Variants in SLC6A3 observed in about 807,000 individuals in gnomAD.
The protein encoded by SLC6A3 is solute carrier family 6 member 3, also known as sodium-dependent dopamine transporter.
SLC6A3 carries 19 observed loss-of-function variants against 70.4 expected under a neutral mutation model. That is an observed-to-expected ratio of 0.27 (90% CI 0.19 to 0.40). SLC6A3 has a LOEUF of 0.40. Ranked by LOEUF, SLC6A3 falls within the 10% of genes least tolerant of loss-of-function variation. The probability of loss-of-function intolerance (pLI) is 1.00; values close to 1 mark genes in which losing one functional copy is unlikely to be tolerated. For synonymous variants in SLC6A3, 368 were observed against 356.6 expected, an observed-to-expected ratio of 1.03 and a Z score of -0.36; for missense variants, 613 against 838.5, an observed-to-expected ratio of 0.73 and a Z score of 3.32.
At chr5:1,440,531 C>G (rs999191228) in intron 3 of SLC6A3, among the ~76,000 whole-genome samples, 1 of 152,068 alleles carries the variant, frequency 6.6e-6, no homozygotes, top group African/African-American at 2.4e-5. Flanking sequence ...GGGATGTGTC[C>G]CTCCCCCAAG....
intron 4 of SLC6A3, among the ~76,000 whole-genome samples, chr5:1,422,545 G>A (rs1357288778): frequency 7.0e-6 from 1 of 142,580 alleles, no homozygotes; most frequent in Non-Finnish European, 1.5e-5. Flanking sequence ...CACGCTGCTG[G>A]GTGCCCACCG....
At position 1,401,054 on chromosome 5, in the gene SLC6A3, C is replaced by T. The variant is rs1274763434; in HGVS notation, c.1768-68G>A. 3.8e-5 allele frequency: 47 copies of T among 1,226,500 alleles called. No homozygotes were observed. The highest frequency in any genetic ancestry group is 5.4e-5 in the Non-Finnish European group (46 of 848,752). 76.0% of individuals were successfully genotyped at this position (1,226,500 alleles called of 1,614,324 possible). A position where few individuals can be genotyped will look rare whatever the true frequency, so the allele number is the denominator to read the frequency against. Reference sequence around the variant, plus strand: ...CCACTGCCAGCACCCACCACTGACTCACACTGCCAGGACCCTCACCTACCA... The same window carrying T: ...CCACTGCCAGCACCCACCACTGACTTACACTGCCAGGACCCTCACCTACCA... On this transcript the variant is annotated intron_variant, in intron 13 of 14. Transcript: ENST00000270349. This position sits in a 1 kb window ranked among gnomAD's most constrained non-coding sequence, Gnocchi z 6.1.
chr5:1,412,466 G>A (rs1560911652), intron 8 of SLC6A3, among the ~76,000 whole-genome samples: 1 of 152,252 alleles, frequency 6.6e-6, no homozygotes, highest in Non-Finnish European at 1.5e-5. Context: ...CAAAGGCGGA[G>A]GAGGTGTTCC....
In SLC6A3 at chr5:1,439,859, C is replaced by T. The variant is rs1034749949; in HGVS notation, c.418+1500G>A. On this transcript the variant is annotated intron_variant, in intron 3 of 14. Coordinates refer to ENST00000270349, the MANE Select transcript of SLC6A3 (RefSeq NM_001044.5). ...CGTGCAGGGATTGGGGAGTCAGAAA[C>T]GTCTGGGATCAAATCCCACTCTGCT... Among the ~76,000 whole-genome samples, 29 of 152,224 alleles carry T rather than the reference C, an allele frequency of 1.9e-4. 1 individual carries two copies. The highest frequency in any genetic ancestry group is 2.6e-4 in the Admixed American group (4 of 15,288).
intron 7 of SLC6A3, among the ~76,000 whole-genome samples, chr5:1,415,314 G>A (rs1194827491): frequency 6.6e-6 from 1 of 152,120 alleles, no homozygotes; most frequent in African/African-American, 2.4e-5. Flanking sequence ...AGGGTCCTGG[G>A]GTCGGTCAGG....
rs1374789817 is a variant in SLC6A3 at position 1,422,088 on chromosome 5, C to T, written c.654-74G>A. The T allele has an allele frequency of 1.9e-5, 28 of 1,497,386 alleles. 1 individual carries two copies. Among genetic ancestry groups the T allele is most frequent in the South Asian group, 1.4e-4 (12 of 85,564 alleles). The allele number at this position is 1,497,386 out of a possible 1,614,324, so 92.8% of individuals were successfully genotyped here. On this transcript the variant is annotated intron_variant, in intron 4 of 14. Transcript: ENST00000270349. ...CTGGAACTGGACGGCTGAGCTTGTCCGGGGACCTGCCCTCCCCATCTCAGC... is the reference window on the plus strand; with the variant it reads ...CTGGAACTGGACGGCTGAGCTTGTCTGGGGACCTGCCCTCCCCATCTCAGC...
intron 12 of SLC6A3, 126 bp from the exon 13 acceptor site, chr5:1,403,215 G>T: frequency 9.1e-7 from 1 of 1,094,004 alleles, no homozygotes; most frequent in Non-Finnish European, 1.3e-6. Flanking sequence ...TGCAGACCCC[G>T]GCCAGGCCTG....
rs911976531 is a variant in SLC6A3, at chr5:1,442,433, T to A, written c.286+479A>T. Among the ~76,000 whole-genome samples, 5 of 152,140 alleles carry A rather than the reference T, an allele frequency of 3.3e-5. No homozygotes were observed. The highest frequency in any genetic ancestry group is 1.2e-4 in the African/African-American group (5 of 41,412). On this transcript the variant is annotated intron_variant, in intron 2 of 14. Coordinates refer to ENST00000270349, the MANE Select transcript of SLC6A3 (RefSeq NM_001044.5). The surrounding 1 kb of genome is among the most constrained non-coding windows in gnomAD (Gnocchi z 5.0). Reference sequence around the variant, plus strand: ...GACGTCCCCGGTGGCCCTGCCTCGATCTTCGCTTTCTGGCTCTGTGGCTGG... The same window carrying A: ...GACGTCCCCGGTGGCCCTGCCTCGAACTTCGCTTTCTGGCTCTGTGGCTGG...
At position 1,421,959 on chromosome 5, in the gene SLC6A3, G is replaced by A. The variant is rs376877303; in HGVS notation, c.709C>T (p.Arg237Trp). 3.1e-6 allele frequency: 5 copies of A among 1,613,006 alleles called. No individual in the cohort carries two copies. The highest frequency in any genetic ancestry group is 1.3e-5 in the African/African-American group (1 of 74,938). ...ACCAGGCAGGCTGTGAGCTGCCACC[G>A]CGGAGGCCCCAGGTCGTCGATGCCA... ...SHGIDDLGPPRWQLTACLVLV... is the reference protein window; with the variant it reads ...SHGIDDLGPPWWQLTACLVLV... Residue 237 changes from arginine to tryptophan, a missense_variant, in exon 5 of 15, where the codon CGG (arginine) becomes TGG (tryptophan). Physicochemically the swap from Arg to Trp is moderately radical, Grantham distance 101. Transcript: ENST00000270349. The surrounding 1 kb of genome is among the most constrained non-coding windows in gnomAD (Gnocchi z 7.2).
rs373591458 is a variant in SLC6A3, at chr5:1,432,424, C to T, written c.653+40G>A. 47 of 1,480,654 alleles carry T rather than the reference C, an allele frequency of 3.2e-5. No homozygotes were observed. In the African/African-American group the frequency reaches 3.7e-4, roughly 12 times the overall value. 91.7% of individuals were successfully genotyped at this position (1,480,654 alleles called of 1,614,324 possible). Reference sequence around the variant, plus strand: ...GGGGCTACCATGGGGGACCTGGCTGCGCCATCTCTCCCGTTCCCGAGGACC... The same window carrying T: ...GGGGCTACCATGGGGGACCTGGCTGTGCCATCTCTCCCGTTCCCGAGGACC... On this transcript the variant is annotated intron_variant, in intron 4 of 14. Transcript: ENST00000270349.
At chr5:1,434,366 T>C (rs903427298) in intron 3 of SLC6A3, among the ~76,000 whole-genome samples, 2 of 152,230 alleles carry the variant, frequency 1.3e-5, no homozygotes, top group East Asian at 1.9e-4. Context: ...GGGCCATCCA[T>C]GGCCATGCAA....
intron 14 of SLC6A3, among the ~76,000 whole-genome samples, chr5:1,399,716 G>A (rs975787494): frequency 6.6e-5 from 10 of 152,196 alleles, no homozygotes; most frequent in African/African-American, 2.4e-4. Context: ...AAGTCACTGG[G>A]AGGACAGAGG....
chr5:1,419,426 A>G (rs1756384587), intron 6 of SLC6A3, among the ~76,000 whole-genome samples: 1 of 152,198 alleles, frequency 6.6e-6, no homozygotes, highest in South Asian at 2.1e-4. Context: ...TTTGTTCTCC[A>G]GTGAGCATCT....
chr5:1,443,481 G>A (rs532860477), intron 1 of SLC6A3, among the ~76,000 whole-genome samples: 1 of 152,258 alleles, frequency 6.6e-6, no homozygotes, highest in East Asian at 1.9e-4. Flanking sequence ...CAGACACTCT[G>A]GTTTGCTCCT....
At chr5:1,429,881 T>C (rs1207982759) in intron 4 of SLC6A3, among the ~76,000 whole-genome samples, 1 of 152,206 alleles carries the variant, frequency 6.6e-6, no homozygotes, top group Non-Finnish European at 1.5e-5. Context: ...TAGGGAAATG[T>C]AGGTGTGAAC....
chr5:1,419,400 C>A (rs1756383996), intron 6 of SLC6A3, among the ~76,000 whole-genome samples: 1 of 152,144 alleles, frequency 6.6e-6, no homozygotes. Context: ...TAATTTCTGA[C>A]ATCTCATCTT....
chr5:1,405,778 C>T lies in SLC6A3; in HGVS notation c.1599+410G>A, dbSNP rs1054598583. Among the ~76,000 whole-genome samples the T allele has an allele frequency of 2.6e-5, 4 of 152,222 alleles. No individual in the cohort carries two copies. Among genetic ancestry groups the T allele is most frequent in the African/African-American group, 9.6e-5 (4 of 41,456 alleles). ...GCTTGCGTGAGCAACGGGACAGGGC[C>T]GAGGCCCCTGCTGCTCTCATCCAGC... On this transcript the variant is annotated intron_variant, in intron 12 of 14. Coordinates refer to ENST00000270349, the MANE Select transcript of SLC6A3 (RefSeq NM_001044.5). The surrounding 1 kb of genome is among the most constrained non-coding windows in gnomAD (Gnocchi z 5.3).
At chr5:1,432,114 G>A (rs745426048) in intron 4 of SLC6A3, among the ~76,000 whole-genome samples, 8 of 152,134 alleles carry the variant, frequency 5.3e-5, no homozygotes, top group African/African-American at 1.2e-4. Flanking sequence ...CTCCAGAGGC[G>A]CCACTGCAGC....
intron 3 of SLC6A3, among the ~76,000 whole-genome samples, chr5:1,439,242 C>T (rs1434692288): frequency 6.6e-6 from 1 of 150,578 alleles, no homozygotes; most frequent in Non-Finnish European, 1.5e-5. Context: ...TTGACTTCTA[C>T]CTGCAGATCC....
Sources: allele counts gnomAD v4.1 joint callset (sites outside exome capture counted in the v4.1 genomes callset), GRCh38; gene constraint gnomAD v4.1.1; non-coding constraint Gnocchi (gnomAD v3.1); transcripts MANE v1.5; gene names NCBI Gene and HGNC (gene_info 2026-07-23, HGNC 2026-07-21).